ZNF610: variants seen among roughly 807,000 people sequenced by gnomAD.
ZNF610 encodes zinc finger protein 610.
ZNF610 carries 14 observed loss-of-function variants against 14.1 expected under a neutral mutation model. The observed-to-expected ratio is 0.99, with a 90% confidence interval of 0.65 to 1.55. The LOEUF (loss-of-function observed/expected upper bound fraction) is 1.55, where lower values mean the gene tolerates loss of function less well. Ranked by LOEUF, ZNF610 falls within the 40% of genes most tolerant of loss-of-function variation. ZNF610 has a pLI of 0.00. For synonymous variants in ZNF610, 185 were observed against 187.6 expected (o/e 0.99, Z 0.11); for missense variants, 530 against 558.0 (o/e 0.95, Z 0.51).
At chr19:52,360,689 G>GTTTT (rs75983926) in intron 5 of ZNF610, among the ~76,000 whole-genome samples, 8 of 151,958 alleles carry the variant, frequency 5.3e-5, no homozygotes, top group Admixed American at 2.6e-4. Context: ...TTTTTATTCT[G>GTTTT]TTTTTGTGGA....
intron 5 of ZNF610, among the ~76,000 whole-genome samples, chr19:52,362,587 T>C (rs371167147): frequency 1.4e-3 from 211 of 152,330 alleles, no homozygotes; most frequent in Admixed American, 2.2e-3. Context: ...CACATTTTTG[T>C]TGCATTTTAT....
chr19:52,363,979 C>T (rs1255661066), intron 5 of ZNF610, among the ~76,000 whole-genome samples: 5 of 152,116 alleles, frequency 3.3e-5, no homozygotes, highest in Non-Finnish European at 5.9e-5. Context: ...TTGTGACATG[C>T]TTTGATCCCC....
intron 1 of ZNF610, among the ~76,000 whole-genome samples, chr19:52,341,385 C>G (rs1984683298): frequency 1.3e-5 from 2 of 152,120 alleles, no homozygotes; most frequent in Admixed American, 1.3e-4. Context: ...TCTCGGCTCA[C>G]TGCAACCTCT....
intron 5 of ZNF610, among the ~76,000 whole-genome samples, chr19:52,363,126 CCT>C (rs1568654949): frequency 4.1e-5 from 6 of 148,046 alleles, no homozygotes; most frequent in South Asian, 4.2e-4. Flanking sequence ...GGTTCTATCC[CCT>C]TTTTTTTTTT....
chr19:52,359,520 A>G (rs1254533018), intron 5 of ZNF610, among the ~76,000 whole-genome samples: 1 of 152,214 alleles, frequency 6.6e-6, no homozygotes, highest in Non-Finnish European at 1.5e-5. Context: ...TATAGAAACC[A>G]CAGGTATGGA....
chr19:52,334,239 G>C (rs184733160), upstream of ZNF610, among the ~76,000 whole-genome samples: 11 of 148,262 alleles, frequency 7.4e-5, no homozygotes. Context: ...TTTAGGCCGG[G>C]CTTGGTGGCT....
At chr19:52,348,851 C>A (rs1215625037) in intron 2 of ZNF610, among the ~76,000 whole-genome samples, 1 of 152,134 alleles carries the variant, frequency 6.6e-6, no homozygotes, top group Non-Finnish European at 1.5e-5. Flanking sequence ...AGGGGCTGTG[C>A]TCTTCATGGA....
intron 1 of ZNF610, among the ~76,000 whole-genome samples, chr19:52,340,775 G>C (rs1011811307): frequency 6.6e-6 from 1 of 152,042 alleles, no homozygotes; most frequent in African/African-American, 2.4e-5. Context: ...CTGCCTCCCG[G>C]GTTCAAGCGA....
At chr19:52,345,260 A>AT (rs962924474) in intron 1 of ZNF610, 3 of 152,260 alleles carry the variant, frequency 2.0e-5, no homozygotes, top group Non-Finnish European at 4.4e-5. Flanking sequence ...GCATAATGAC[A>AT]TTTTGGTCAA....
intron 3 of ZNF610, among the ~76,000 whole-genome samples, chr19:52,349,916 G>A (rs1985169521): frequency 6.6e-6 from 1 of 152,136 alleles, no homozygotes; most frequent in Non-Finnish European, 1.5e-5. Flanking sequence ...TTCTGGAAAA[G>A]GAGTTCAGGA....
intron 1 of ZNF610, among the ~76,000 whole-genome samples, chr19:52,339,182 A>G (rs1245576478): frequency 6.6e-6 from 1 of 151,938 alleles, no homozygotes; most frequent in Non-Finnish European, 1.5e-5. Context: ...CTATCTCAGT[A>G]AATAGAACAT....
upstream of ZNF610, among the ~76,000 whole-genome samples, chr19:52,335,072 G>T (rs1341202255): frequency 6.6e-6 from 1 of 151,918 alleles, no homozygotes; most frequent in Non-Finnish European, 1.5e-5. Context: ...GGGCGTGGGG[G>T]GGGGGTGTGG....
upstream of ZNF610, among the ~76,000 whole-genome samples, chr19:52,335,754 T>C (rs556521408): frequency 6.6e-6 from 1 of 152,208 alleles, no homozygotes; most frequent in Non-Finnish European, 1.5e-5. Flanking sequence ...TTGCACATGC[T>C]ACCCAGGCAG....
At chr19:52,353,209 G>A (rs1985344756) in intron 3 of ZNF610, among the ~76,000 whole-genome samples, 1 of 152,230 alleles carries the variant, frequency 6.6e-6, no homozygotes, top group African/African-American at 2.4e-5. Context: ...CGAAGTGCTG[G>A]AGTTACAGAC....
intron 5 of ZNF610, among the ~76,000 whole-genome samples, chr19:52,359,064 T>C (rs750366018): frequency 1.3e-5 from 2 of 152,238 alleles, no homozygotes; most frequent in African/African-American, 2.4e-5. Flanking sequence ...GTAATAAGTT[T>C]TGTAATCATG....
intron 3 of ZNF610, among the ~76,000 whole-genome samples, chr19:52,352,245 A>AT (rs1362477890): frequency 3.3e-5 from 5 of 151,146 alleles, no homozygotes; most frequent in South Asian, 4.2e-4. Context: ...TTCTTTTTTT[A>AT]TTTTTTTTGA....
Position 52,366,420 on chromosome 19 carries a change from G to A in ZNF610, c.1042G>A (p.Glu348Lys), listed in dbSNP as rs751230199. The A allele has an allele frequency of 6.2e-7, 1 of 1,614,174 alleles. No homozygotes were observed. The highest frequency in any genetic ancestry group is 1.1e-5 in the South Asian group (1 of 91,086). ...HTAEKPYKCNECGKVFSLLSY... is the reference protein window; with the variant it reads ...HTAEKPYKCNKCGKVFSLLSY... ...GGCGGAAAAACCTTACAAATGTAATGAATGTGGCAAGGTCTTTAGTCTGCT... is the reference window on the plus strand; with the variant it reads ...GGCGGAAAAACCTTACAAATGTAATAAATGTGGCAAGGTCTTTAGTCTGCT... Residue 348 changes from glutamate (E) to lysine (K), a missense_variant, in exon 6 of 6, where the codon GAA (glutamate) becomes AAA (lysine). Coordinates refer to ENST00000403906, the MANE Select transcript of ZNF610 (RefSeq NM_001161425.2).
intron 1 of ZNF610, among the ~76,000 whole-genome samples, chr19:52,343,425 G>A (rs1361365425): frequency 3.3e-5 from 5 of 151,670 alleles, no homozygotes; most frequent in South Asian, 2.1e-4. Context: ...AAAATTATCC[G>A]GCTTTGGTGG....
In ZNF610 at chr19:52,366,754, TACAGATGG is replaced by T; in HGVS notation, c.1378_1385del (p.Gln460MetfsTer13). ...GCTGGAGAGAATTCACTGCGTACCT[TACAGATGG>T]AATGAATGTGGCAAAATCTTTAGTT... On this transcript the variant is annotated frameshift_variant, in exon 6 of 6. Transcript: ENST00000403906. LOFTEE classifies it high-confidence loss of function. 1 of 1,609,834 alleles carries T rather than the reference TACAGATGG, an allele frequency of 6.2e-7. No homozygotes were observed. The highest frequency in any genetic ancestry group is 1.3e-5 in the African/African-American group (1 of 74,932).
Sources: allele counts gnomAD v4.1 joint callset (sites outside exome capture counted in the v4.1 genomes callset), GRCh38; gene constraint gnomAD v4.1.1; transcripts MANE v1.5; gene names NCBI Gene and HGNC (gene_info 2026-07-23, HGNC 2026-07-21).